Variants in USP48 observed in about 807,000 individuals in gnomAD.
USP48 encodes ubiquitin specific peptidase 48.
A neutral mutation model predicts 150.7 loss-of-function variants in USP48; 43 were observed. That is an observed-to-expected ratio of 0.29 (90% CI 0.22 to 0.37). USP48 has a LOEUF of 0.37. USP48 is among the 10% of genes least tolerant of loss of function. The pLI, the probability that USP48 is intolerant of heterozygous loss-of-function variation, is 1.00. For missense variants in USP48, 813 were observed against 1,249.6 expected (o/e 0.65, Z 5.27); for synonymous variants, 396 against 425.9 (o/e 0.93, Z 0.86).
chr1:21,757,403 T>C (rs912845613), intron 2 of USP48: 2 of 294,264 alleles, frequency 6.8e-6, no homozygotes, highest in Non-Finnish European at 1.2e-5. Flanking sequence ...AAACATGCAA[T>C]GTTAAAGCAA....
chr1:21,678,503 G>T lies in USP48; in HGVS notation c.*914C>A, dbSNP rs908638047. 6.6e-6 allele frequency: 1 copy of T among 151,968 alleles called. No homozygotes were observed. Among genetic ancestry groups the T allele is most frequent in the Admixed American group, 6.5e-5 (1 of 15,270 alleles). The allele number at this position is 151,968 out of a possible 1,614,324, so 9.4% of individuals were successfully genotyped here. On this transcript the variant is annotated 3_prime_UTR_variant, in exon 27 of 27. Transcript: ENST00000308271. ...ATAATGCTTTCAAAAAGAGAACTGA[G>T]GTCCAAGAAACAGTGACATGGAGGA...
At position 21,679,449 on chromosome 1, in the gene USP48, G is replaced by A; in HGVS notation, c.3086-10C>T. 1 of 1,613,980 alleles carries A rather than the reference G, an allele frequency of 6.2e-7. No individual in the cohort carries two copies. Among genetic ancestry groups the A allele is most frequent in the South Asian group, 1.1e-5 (1 of 91,086 alleles). The stretch of plus-strand genomic sequence containing the variant: ...CCAAGAAGACCAGTACCTGGGAAAA[G>A]AAACACACGTGGAGGGATAGTTGTG... On this transcript the variant is annotated splice_polypyrimidine_tract_variant and intron_variant, in intron 26 of 26. Coordinates refer to ENST00000308271, the MANE Select transcript of USP48 (RefSeq NM_032236.8).
At position 21,724,056 on chromosome 1, in the gene USP48, C is replaced by A; in HGVS notation, c.1490G>T (p.Trp497Leu). The change falls in exon 12 of 27, where the codon TGG (tryptophan) becomes TTG (leucine). Residue 497 changes from tryptophan (W) to leucine (L), a missense_variant. Coordinates refer to ENST00000308271, the MANE Select transcript of USP48 (RefSeq NM_032236.8). ...TTTGGTAGGTGTTGATTCATCCAAC[C>A]ACTTTTGCAGCCATTCCAGAGAGAC... is the stretch of plus-strand genomic sequence containing the variant. ...EFVSLEWLQKWLDESTPTKPI... is the reference protein window; with the variant it reads ...EFVSLEWLQKLLDESTPTKPI... 1 of 1,614,198 alleles carries A rather than the reference C, an allele frequency of 6.2e-7. No individual in the cohort carries two copies. Among genetic ancestry groups the A allele is most frequent in the East Asian group, 2.2e-5 (1 of 44,888 alleles).
At position 21,678,410 on chromosome 1, in the gene USP48, C is replaced by T. The variant is rs1254596521; in HGVS notation, c.*1007G>A. On this transcript the variant is annotated 3_prime_UTR_variant, in exon 27 of 27. Transcript: ENST00000308271. ...GAATGATAATCCTGAGTTGGATGGACAGCACATCCATATACTTTTTTCCTT... is the reference window on the plus strand; with the variant it reads ...GAATGATAATCCTGAGTTGGATGGATAGCACATCCATATACTTTTTTCCTT... 6.6e-6 allele frequency: 1 copy of T among 151,682 alleles called. No homozygotes were observed. The highest frequency in any genetic ancestry group is 1.5e-5 in the Non-Finnish European group (1 of 67,998). The allele number at this position is 151,682 out of a possible 1,614,324, so 9.4% of individuals were successfully genotyped here. A position where few individuals can be genotyped will look rare whatever the true frequency, so the allele number is the denominator to read the frequency against.
intron 22 of USP48, among the ~76,000 whole-genome samples, chr1:21,695,658 A>G (rs1209276116): frequency 1.3e-5 from 2 of 152,302 alleles, no homozygotes; most frequent in East Asian, 3.9e-4. Context: ...GCAGTGAGCT[A>G]CAATCGCACC....
At chr1:21,694,608 C>CAAACAAACAAAAAAA (rs1491189889) in intron 23 of USP48, among the ~76,000 whole-genome samples, 19 of 28,996 alleles carry the variant, frequency 6.6e-4, no homozygotes, top group African/African-American at 1.9e-3. Context: ...AAAAAAAAAA[C>CAAACAAACAAAAAAA]CCCCTCTATC....
chr1:21,719,289 TA>T (rs768685471), intron 14 of USP48, among the ~76,000 whole-genome samples: 389 of 119,594 alleles, frequency 3.3e-3, no homozygotes, highest in Admixed American at 3.3e-3. Context: ...CTCAAAAAAG[TA>T]AAAAAAAAAA....
intron 25 of USP48, among the ~76,000 whole-genome samples, chr1:21,685,095 AG>A (rs2097577164): frequency 6.6e-6 from 1 of 152,192 alleles, no homozygotes; most frequent in African/African-American, 2.4e-5. Context: ...GTATTTTGAT[AG>A]GAATTGCATT....
At chr1:21,752,016 CA>C (rs943113295) in intron 5 of USP48, among the ~76,000 whole-genome samples, 1,281 of 63,486 alleles carry the variant, frequency 0.02, 15 homozygotes, top group African/African-American at 0.063. Flanking sequence ...GAGTCCATCT[CA>C]AAAAAAAAAA....
At chr1:21,729,618 C>G in intron 10 of USP48, 86 bp downstream of exon 10, 1 of 1,457,188 alleles carries the variant, frequency 6.9e-7, no homozygotes, top group Non-Finnish European at 9.3e-7. Flanking sequence ...ATCATAGTAA[C>G]TAAAAGCAAT....
chr1:21,774,141 T>C (rs1321273083), intron 1 of USP48, among the ~76,000 whole-genome samples: 1 of 151,204 alleles, frequency 6.6e-6, no homozygotes, highest in Non-Finnish European at 1.5e-5. Context: ...ATAACGCCAC[T>C]GCACTCCAGC....
intron 8 of USP48, 65 bp downstream of exon 8, chr1:21,747,002 C>A: frequency 1.5e-6 from 2 of 1,313,590 alleles, no homozygotes; most frequent in South Asian, 1.4e-5. Flanking sequence ...CTATATTAAT[C>A]ACAAGCCGAT....
At chr1:21,703,709 A>G in intron 20 of USP48, 91 bp from the exon 21 acceptor site, 1 of 981,638 alleles carries the variant, frequency 1.0e-6, no homozygotes, top group Non-Finnish European at 1.6e-6. Context: ...CAAAGTTACT[A>G]GTGAATATTC....
At chr1:21,717,083 C>A (rs367901876) in intron 14 of USP48, among the ~76,000 whole-genome samples, 1 of 151,904 alleles carries the variant, frequency 6.6e-6, no homozygotes, top group East Asian at 1.9e-4. Flanking sequence ...ACAATTAATA[C>A]AAAAAATATC....
At chr1:21,697,842 T>C (rs2097641517) in intron 22 of USP48, among the ~76,000 whole-genome samples, 1 of 152,136 alleles carries the variant, frequency 6.6e-6, no homozygotes, top group African/African-American at 2.4e-5. Context: ...TGATTTTAAA[T>C]GGATCTAAAG....
Position 21,757,777 on chromosome 1 carries a change from G to A in USP48, c.141C>T (p.Asn47=), listed in dbSNP as rs2097840507. 6.3e-7 allele frequency: 1 copy of A among 1,599,258 alleles called. No homozygotes were observed. Among genetic ancestry groups the A allele is most frequent in the Non-Finnish European group, 8.5e-7 (1 of 1,175,282 alleles). The change falls in exon 2 of 27, where the codon AAC becomes AAT. Residue 47 remains asparagine (N), a synonymous_variant. Coordinates refer to ENST00000308271, the MANE Select transcript of USP48 (RefSeq NM_032236.8). ...CCAAGCAATTCGGATTTCCTTTGCA[G>A]TTTCGTCTAAGGGGAAAAAAAAAAC... The part of the protein sequence containing the change: ...EPCIRGVCRR[N]CKGNPNCLVG...
chr1:21,741,539 T>C (rs979260322), intron 8 of USP48, among the ~76,000 whole-genome samples: 3 of 152,228 alleles, frequency 2.0e-5, no homozygotes, highest in Admixed American at 2.0e-4. Flanking sequence ...TTGTAAGCTC[T>C]AATTCAATAG....
Position 21,679,314 on chromosome 1 carries a change from T to C in USP48, c.*103A>G. On this transcript the variant is annotated 3_prime_UTR_variant, in exon 27 of 27. Transcript: ENST00000308271. ...GGATTTCTGCCTTTTGGAAGGGGCA[T>C]GTAATGGTTTAATTCTTAAATCCAC... is the stretch of plus-strand genomic sequence containing the variant. 7.0e-7 allele frequency: 1 copy of C among 1,423,304 alleles called. No homozygotes were observed. Among genetic ancestry groups the C allele is most frequent in the Non-Finnish European group, 9.9e-7 (1 of 1,007,162 alleles). 88.2% of individuals were successfully genotyped at this position (1,423,304 alleles called of 1,614,324 possible).
chr1:21,704,299 A>T lies in USP48; in HGVS notation c.2478T>A (p.Asp826Glu), dbSNP rs147480171. 88 of 1,613,644 alleles carry T rather than the reference A, an allele frequency of 5.5e-5. No individual in the cohort carries two copies. The highest frequency in any genetic ancestry group is 6.9e-5 in the Non-Finnish European group (81 of 1,179,888). ...VIKITRIEVG[D>E]VNPSETQYIS... Reference sequence around the variant, plus strand: ...TATACTGTGTTTCTGAAGGGTTTACATCTCCCACTTCAATTCTCGTGATTT... The same window carrying T: ...TATACTGTGTTTCTGAAGGGTTTACTTCTCCCACTTCAATTCTCGTGATTT... The change falls in exon 20 of 27, where the codon GAT becomes GAA. Residue 826 changes from aspartate to glutamate, a missense_variant. Transcript: ENST00000308271.
Sources: gnomAD v4.1 joint callset for allele counts (sites outside exome capture counted in the v4.1 genomes callset) on GRCh38, gnomAD v4.1.1 for gene constraint, MANE v1.5 for transcripts, NCBI Gene and HGNC (gene_info 2026-07-23, HGNC 2026-07-21) for gene names.